U2AF2: variants seen among roughly 807,000 people sequenced by gnomAD.
The protein encoded by U2AF2 is U2 small nuclear RNA auxiliary factor 2, also known as splicing factor U2AF 65 kDa subunit.
U2AF2 carries 6 observed loss-of-function variants against 52.6 expected under a neutral mutation model. The observed-to-expected ratio is 0.11, with a 90% CI of 0.06 to 0.23. The LOEUF is 0.23. Among genes scored for constraint, U2AF2 ranks in the 10% least tolerant of loss-of-function variants. The pLI, the probability that U2AF2 is intolerant of heterozygous loss-of-function variation, is 1.00. For synonymous variants in U2AF2, 284 were observed against 258.2 expected (o/e 1.10, Z -0.96); for missense variants, 222 against 677.1 (o/e 0.33, Z 7.46).
At chr19:55,673,515 C>T (rs1275042665) in intron 11 of U2AF2, among the ~76,000 whole-genome samples, 1 of 152,126 alleles carries the variant, frequency 6.6e-6, no homozygotes. Flanking sequence ...GGTTTGAATC[C>T]TAATTTCTGA....
At position 55,674,038 on chromosome 19, in the gene U2AF2, C is replaced by T. The variant is rs1985113416; in HGVS notation, c.1398C>T (p.Pro466=). 2 of 1,612,476 alleles carry T rather than the reference C, an allele frequency of 1.2e-6. No homozygotes were observed. Among genetic ancestry groups the T allele is most frequent in the Non-Finnish European group, 1.7e-6 (2 of 1,179,162 alleles). Residue 466 remains proline (P), a synonymous_variant, in exon 12 of 12, where the codon CCC becomes CCT. Transcript: ENST00000308924. ...TGGTTGTCACAAAATACTGTGACCC[C>T]GACTCTTATCACCGCCGGGACTTCT... The part of the protein sequence containing the change: ...NRVVVTKYCD[P]DSYHRRDFW
intron 7 of U2AF2, among the ~76,000 whole-genome samples, chr19:55,667,895 T>C (rs953169286): frequency 4.6e-5 from 7 of 151,948 alleles, no homozygotes; most frequent in Non-Finnish European, 1.0e-4. Context: ...ACGCCATTCT[T>C]CTGCCTCAGC....
rs1396493362 is a variant in U2AF2 at position 55,668,802 on chromosome 19, CGGTCGCT to C, written c.945+13_945+19del. Reference sequence around the variant, plus strand: ...CAACGTCACGGATCAGGTGAGTCCCCGGTCGCTGGCCGCTGCCGCGTCTGTCCTTCCC... The same window carrying C: ...CAACGTCACGGATCAGGTGAGTCCCCGGCCGCTGCCGCGTCTGTCCTTCCC... On this transcript the variant is annotated intron_variant, in intron 9 of 11. Transcript: ENST00000308924. The surrounding 1 kb of genome is among the most constrained non-coding windows in gnomAD (Gnocchi z 5.5). The C allele has an allele frequency of 3.1e-6, 5 of 1,606,998 alleles. No individual in the cohort carries two copies. The African/African-American group carries it at 6.7e-5, about 21-fold the overall frequency.
At chr19:55,670,994 T>G (rs2122126785) in intron 11 of U2AF2, among the ~76,000 whole-genome samples, 1 of 152,272 alleles carries the variant, frequency 6.6e-6, no homozygotes, top group Non-Finnish European at 1.5e-5. Flanking sequence ...GCCAGGTTTG[T>G]CAGGACCAAG....
At chr19:55,671,388 G>GA (rs1431595567) in intron 11 of U2AF2, 1 of 149,382 alleles carries the variant, frequency 6.7e-6, no homozygotes, top group African/African-American at 2.5e-5. Flanking sequence ...ACCTTGTCGG[G>GA]GGTGAGCGGG....
chr19:55,662,480 T>G (rs1166099665), intron 5 of U2AF2, 22 bp from the exon 6 acceptor site: 158 of 291,982 alleles, frequency 5.4e-4, no homozygotes, highest in Non-Finnish European at 8.9e-4. Context: ...GCCCCCCCCC[T>G]TGTCTCCTAT....
chr19:55,659,278 C>T lies in U2AF2; in HGVS notation c.118C>T (p.Arg40Trp), dbSNP rs370104184. The T allele has an allele frequency of 9.4e-6, 15 of 1,601,344 alleles. No homozygotes were observed. Among genetic ancestry groups the T allele is most frequent in the African/African-American group, 2.7e-5 (2 of 74,230 alleles). The change falls in exon 2 of 12, where the codon CGG becomes TGG. Residue 40 changes from arginine to tryptophan, a missense_variant. Transcript: ENST00000308924. ...CTCTCGGAGCCGGGACCGCAAACGC[C>T]GGAGCCGGAGCCGCGACCGGCGCAA... ...SRSRSRDRKR[R>W]SRSRDRRNRD...
intron 6 of U2AF2, among the ~76,000 whole-genome samples, chr19:55,663,267 C>T (rs943534917): frequency 2.0e-5 from 3 of 152,194 alleles, no homozygotes; most frequent in Admixed American, 6.5e-5. Context: ...AAATGTCCCC[C>T]TCACCAGAAA....
intron 11 of U2AF2, 98 bp from the exon 12 acceptor site, chr19:55,673,836 C>T: frequency 6.6e-7 from 1 of 1,508,500 alleles, no homozygotes; most frequent in Non-Finnish European, 8.9e-7. Context: ...GCCCCCTCCT[C>T]CCTGTCCCTT....
intron 11 of U2AF2, chr19:55,670,815 G>C: frequency 5.9e-6 from 1 of 170,118 alleles, no homozygotes. Context: ...ACCCCACATA[G>C]TGAGGTTGGG....
At chr19:55,657,188 G>T (rs1983848662) in intron 1 of U2AF2, among the ~76,000 whole-genome samples, 1 of 152,234 alleles carries the variant, frequency 6.6e-6, no homozygotes, top group Non-Finnish European at 1.5e-5. Context: ...TGGTAGGGCA[G>T]TCCCTGAGAC....
chr19:55,658,123 C>T (rs1024891324), intron 1 of U2AF2, among the ~76,000 whole-genome samples: 3 of 152,146 alleles, frequency 2.0e-5, no homozygotes, highest in African/African-American at 4.8e-5. Context: ...TAACATCCTC[C>T]CTCAGTGCCC....
At chr19:55,670,370 C>T (rs1984818363) in intron 11 of U2AF2, among the ~76,000 whole-genome samples, 1 of 149,656 alleles carries the variant, frequency 6.7e-6, no homozygotes, top group Non-Finnish European at 1.5e-5. Flanking sequence ...GTATGGAATT[C>T]CCATCGTACC....
Position 55,655,264 on chromosome 19 carries a change from C to A in U2AF2, c.49+111C>A, listed in dbSNP as rs566987729. 20 of 1,227,880 alleles carry A rather than the reference C, an allele frequency of 1.6e-5. No individual in the cohort carries two copies. The East Asian group carries it at 5.8e-4, about 35-fold the overall frequency. The allele number at this position is 1,227,880 out of a possible 1,614,324, so 76.1% of individuals were successfully genotyped here. On this transcript the variant is annotated intron_variant, in intron 1 of 11. Coordinates refer to ENST00000308924, the MANE Select transcript of U2AF2 (RefSeq NM_007279.3). ...CCCCACTTCACGGCCGCGCGGCGCC[C>A]CCCAACCCTGGTTCCGTGGCGCGCG...
intron 3 of U2AF2, 51 bp downstream of exon 3, chr19:55,660,272 T>G: frequency 6.3e-7 from 1 of 1,590,728 alleles, no homozygotes; most frequent in Non-Finnish European, 8.6e-7. Flanking sequence ...CCCTTCACCT[T>G]CCTCACGCCC....
Position 55,655,561 on chromosome 19 carries a change from C to T in U2AF2, c.49+408C>T, listed in dbSNP as rs375480480. 7.9e-5 allele frequency among the ~76,000 whole-genome samples: 12 copies of T among 152,390 alleles called. 1 individual carries two copies. Among genetic ancestry groups the T allele is most frequent in the African/African-American group, 2.6e-4 (11 of 41,596 alleles). On this transcript the variant is annotated intron_variant, in intron 1 of 11. Transcript: ENST00000308924. ...CTGCCTTGGCACTTCCGCTTCCGGTCGGGCCCACGGCAGCGTCTCCACGCC... is the reference window on the plus strand; with the variant it reads ...CTGCCTTGGCACTTCCGCTTCCGGTTGGGCCCACGGCAGCGTCTCCACGCC...
intron 11 of U2AF2, chr19:55,670,735 T>C: frequency 5.3e-6 from 1 of 188,500 alleles, no homozygotes. Context: ...CGACCGCTTA[T>C]TTTGAGCCAG....
At chr19:55,659,840 G>A (rs1335598320) in intron 2 of U2AF2, among the ~76,000 whole-genome samples, 1 of 152,066 alleles carries the variant, frequency 6.6e-6, no homozygotes, top group East Asian at 1.9e-4. Flanking sequence ...GGTTTCCACC[G>A]CCTCTTCCCT....
chr19:55,673,875 C>T (rs954872329), intron 11 of U2AF2, 59 bp from the exon 12 acceptor site: 1 of 1,561,414 alleles, frequency 6.4e-7, no homozygotes, highest in Non-Finnish European at 8.7e-7. Context: ...GTTGGGTGGA[C>T]GCTGACTGGC....
Sources: allele counts gnomAD v4.1 joint callset (sites outside exome capture counted in the v4.1 genomes callset), GRCh38; gene constraint gnomAD v4.1.1; non-coding constraint Gnocchi (gnomAD v3.1); transcripts MANE v1.5; gene names NCBI Gene and HGNC (gene_info 2026-07-23, HGNC 2026-07-21).